Variants in PTPRD observed in about 807,000 individuals in gnomAD.
The protein encoded by PTPRD is protein tyrosine phosphatase receptor type D.
Under a neutral mutation model 214.5 loss-of-function variants are expected in PTPRD, and 34 were observed. The observed-to-expected ratio is 0.16, with a 90% CI of 0.12 to 0.21. The LOEUF (loss-of-function observed/expected upper bound fraction) is 0.21, where lower values mean the gene tolerates loss of function less well. Ranked by LOEUF, PTPRD falls within the 10% of genes least tolerant of loss-of-function variation. PTPRD has a pLI of 1.00. For synonymous variants in PTPRD, 1,128 were observed against 845.7 expected (o/e 1.33, Z -5.79); for missense variants, 2,545 against 2,398.7 (o/e 1.06, Z -1.27).
At chr9:10,133,919 TG>T (rs2098922518) in intron 3 of PTPRD, among the ~76,000 whole-genome samples, 1 of 152,176 alleles carries the variant, frequency 6.6e-6, no homozygotes, top group African/African-American at 2.4e-5. Flanking sequence ...TATATCACAG[TG>T]ACATATAAAT....
intron 3 of PTPRD, among the ~76,000 whole-genome samples, chr9:10,303,391 G>T (rs1053880198): frequency 1.4e-4 from 22 of 151,730 alleles, no homozygotes; most frequent in African/African-American, 4.1e-4. Context: ...GCTAGCAGAA[G>T]ACAAGAAATA....
intron 5 of PTPRD, among the ~76,000 whole-genome samples, chr9:9,933,320 A>T (rs2153938211): frequency 6.6e-6 from 1 of 152,218 alleles, no homozygotes; most frequent in Non-Finnish European, 1.5e-5. Flanking sequence ...AGTGTGCTGT[A>T]TTCAGGAAAC....
chr9:9,902,790 C>A (rs1444914751), intron 5 of PTPRD, among the ~76,000 whole-genome samples: 2 of 152,066 alleles, frequency 1.3e-5, no homozygotes, highest in Non-Finnish European at 2.9e-5. Flanking sequence ...TGAGCTAGAG[C>A]TCATCTTTCA....
intron 9 of PTPRD, among the ~76,000 whole-genome samples, chr9:9,198,932 T>C (rs937935157): frequency 1.3e-5 from 2 of 152,180 alleles, no homozygotes; most frequent in African/African-American, 4.8e-5. Context: ...TACTTCCAGA[T>C]TCATCAAGCA....
rs965889955 is a variant in PTPRD, at chr9:8,351,198, C to T, written c.4662-9220G>A. ...AGCATCTAAGACATTGTCAAGCCCACTTAAATATATTGCAGAACAATATAT... is the reference window on the plus strand; with the variant it reads ...AGCATCTAAGACATTGTCAAGCCCATTTAAATATATTGCAGAACAATATAT... On this transcript the variant is annotated intron_variant, in intron 39 of 45. Transcript: ENST00000381196. 2.0e-5 allele frequency among the ~76,000 whole-genome samples: 3 copies of T among 152,118 alleles called. No homozygotes were observed. In the South Asian group the frequency reaches 6.2e-4, roughly 32 times the overall value.
At chr9:8,838,276 G>A (rs1361720220) in intron 11 of PTPRD, among the ~76,000 whole-genome samples, 11 of 151,928 alleles carry the variant, frequency 7.2e-5, no homozygotes, top group Non-Finnish European at 1.6e-4. Context: ...CAAATACTTG[G>A]GGGAAGGAAG....
rs76732066 is a variant in PTPRD, at chr9:10,610,124, T to C, written c.-600+2274A>G. On this transcript the variant is annotated intron_variant, in intron 2 of 45. Coordinates refer to ENST00000381196, the MANE Select transcript of PTPRD (RefSeq NM_002839.4). Reference sequence around the variant, plus strand: ...AGCAACTTTCTTCTCAACTTTAAAGTTGCAACTACCTCTGTACAGGACAGA... The same window carrying C: ...AGCAACTTTCTTCTCAACTTTAAAGCTGCAACTACCTCTGTACAGGACAGA... Among the ~76,000 whole-genome samples the C allele has an allele frequency of 6.7e-3, 1,019 of 152,240 alleles. 20 individuals are homozygous for C. The highest frequency in any genetic ancestry group is 0.023 in the African/African-American group (964 of 41,570).
At chr9:10,344,217 G>A (rs1282827524) in intron 2 of PTPRD, among the ~76,000 whole-genome samples, 1 of 151,826 alleles carries the variant, frequency 6.6e-6, no homozygotes, top group African/African-American at 2.4e-5. Flanking sequence ...AAGGTGTAAG[G>A]AAGGGATCCA....
chr9:8,443,945 T>C lies in PTPRD; in HGVS notation c.3988+5780A>G, dbSNP rs116238454. ...ATCACCATCTTTTAATAATATTATGTTTATTTTCATCATTTTGCCCAATTC... is the reference window on the plus strand; with the variant it reads ...ATCACCATCTTTTAATAATATTATGCTTATTTTCATCATTTTGCCCAATTC... On this transcript the variant is annotated intron_variant, in intron 34 of 45. Coordinates refer to ENST00000381196, the MANE Select transcript of PTPRD (RefSeq NM_002839.4). Among the ~76,000 whole-genome samples, 587 of 152,350 alleles carry C rather than the reference T, an allele frequency of 3.9e-3. 5 individuals are homozygous for C. The highest frequency in any genetic ancestry group is 0.012 in the African/African-American group (491 of 41,588).
intron 11 of PTPRD, among the ~76,000 whole-genome samples, chr9:8,762,476 T>C (rs2094471425): frequency 1.3e-5 from 2 of 152,128 alleles, no homozygotes; most frequent in Non-Finnish European, 2.9e-5. Context: ...ATTTTCTTAA[T>C]TTAATTCAAT....
chr9:8,713,519 A>G (rs2154407268), intron 12 of PTPRD: 2 of 1,208,548 alleles, frequency 1.7e-6, no homozygotes, highest in Non-Finnish European at 2.4e-6. Flanking sequence ...GTGTTTGAGA[A>G]GTCCCCGCTG....
At chr9:9,846,428 TAGAGA>T (rs2059546265) in intron 5 of PTPRD, among the ~76,000 whole-genome samples, 1 of 152,178 alleles carries the variant, frequency 6.6e-6, no homozygotes, top group African/African-American at 2.4e-5. Context: ...ACTTTATCTT[TAGAGA>T]AATTAAGCCC....
At chr9:10,572,845 C>A (rs28532448) in intron 2 of PTPRD, among the ~76,000 whole-genome samples, 21,517 of 151,960 alleles carry the variant, frequency 0.14, 1,950 homozygotes, top group East Asian at 0.48. Flanking sequence ...TGTCCATCCA[C>A]AGAGCTCACT....
chr9:8,821,697 G>C (rs1836230), intron 11 of PTPRD, among the ~76,000 whole-genome samples: 11 of 152,076 alleles, frequency 7.2e-5, no homozygotes, highest in African/African-American at 2.7e-4. Flanking sequence ...ACAGAGTCTC[G>C]CTCTGTTGCC....
At chr9:9,802,286 C>T (rs1015482055) in intron 5 of PTPRD, among the ~76,000 whole-genome samples, 7 of 151,938 alleles carry the variant, frequency 4.6e-5, no homozygotes, top group Admixed American at 3.3e-4. Context: ...TTGTTTCCCT[C>T]GTTTTTCATC....
chr9:8,414,880 A>G (rs542060390), intron 35 of PTPRD, among the ~76,000 whole-genome samples: 1 of 90,496 alleles, frequency 1.1e-5, no homozygotes, highest in Admixed American at 1.5e-4. Flanking sequence ...GGAGAGAGGG[A>G]GGGAGGGAGG....
intron 2 of PTPRD, among the ~76,000 whole-genome samples, chr9:10,598,711 G>GTGTGGTGTGTGGTGT (rs57068953): frequency 5.8e-5 from 8 of 137,182 alleles, no homozygotes; most frequent in Admixed American, 3.1e-4. Flanking sequence ...TGTGGTGTGT[G>GTGTGGTGTGTGGTGT]GTGTGTGTGT....
At chr9:9,797,748 T>C (rs1598138549) in intron 5 of PTPRD, among the ~76,000 whole-genome samples, 1 of 151,728 alleles carries the variant, frequency 6.6e-6, no homozygotes, top group Non-Finnish European at 1.5e-5. Context: ...CGGGGGGGGC[T>C]GAGGCAGGAG....
At chr9:9,237,496 A>G (rs1216806135) in intron 9 of PTPRD, among the ~76,000 whole-genome samples, 2 of 152,136 alleles carry the variant, frequency 1.3e-5, no homozygotes, top group Non-Finnish European at 2.9e-5. Flanking sequence ...AAAAACCGAC[A>G]TGTGCCCTGA....
Sources: allele counts gnomAD v4.1 joint callset (sites outside exome capture counted in the v4.1 genomes callset), GRCh38; gene constraint gnomAD v4.1.1; transcripts MANE v1.5; gene names NCBI Gene and HGNC (gene_info 2026-07-23, HGNC 2026-07-21).